The following THAP3 variants were observed in gnomAD, a reference collection of about 807,000 sequenced individuals.
The protein encoded by THAP3 is THAP domain-containing protein 3.
In THAP3, 12 loss-of-function variants were observed where a neutral mutation model predicts 17.7. The ratio of observed to expected loss-of-function variants is 0.68; its 90% CI spans 0.43 to 1.10. THAP3 has a LOEUF of 1.10. Ranked by LOEUF, THAP3 falls within the 50% of genes least tolerant of loss-of-function variation. The probability of loss-of-function intolerance (pLI) is 0.00; values close to 1 mark genes in which losing one functional copy is unlikely to be tolerated. For synonymous variants in THAP3, 133 were observed against 126.9 expected (o/e 1.05, Z -0.32); for missense variants, 289 against 318.0 (o/e 0.91, Z 0.69).
At chr1:6,634,503 TG>T (rs1046980930), downstream of THAP3, 9 of 1,349,326 alleles carry the variant, frequency 6.7e-6, no homozygotes, top group African/African-American at 1.3e-4. Context: ...CGGCGCAGCT[TG>T]GGGCCCCCCG....
chr1:6,634,755 A>G (rs371781066), downstream of THAP3: 394 of 1,343,322 alleles, frequency 2.9e-4, 1 homozygote, highest in Admixed American at 3.7e-4. Flanking sequence ...AGGACGCTGG[A>G]CCTGCAGGAG....
downstream of THAP3, chr1:6,634,548 T>G: frequency 7.3e-7 from 1 of 1,364,652 alleles, no homozygotes; most frequent in Non-Finnish European, 9.8e-7. Context: ...TGTGCGGCGC[T>G]TGCTCCGAGG....
intron 2 of THAP3, among the ~76,000 whole-genome samples, chr1:6,626,204 G>A (rs978455169): frequency 1.3e-5 from 2 of 152,052 alleles, no homozygotes; most frequent in African/African-American, 4.8e-5. Flanking sequence ...CAGCTGCTCG[G>A]GAGACTGAAG....
At chr1:6,625,343 G>A in intron 2 of THAP3, 51 bp downstream of exon 2, 1 of 1,486,654 alleles carries the variant, frequency 6.7e-7, no homozygotes, top group Non-Finnish European at 8.9e-7. Flanking sequence ...GGGGCCCGCG[G>A]ACCGACTCCG....
chr1:6,634,896 A>G, downstream of THAP3: 1 of 1,188,254 alleles, frequency 8.4e-7, no homozygotes, highest in Non-Finnish European at 1.1e-6. Flanking sequence ...CCAGCACTGC[A>G]CTCTGGAGGT....
downstream of THAP3, chr1:6,635,488 T>A: frequency 1.6e-6 from 1 of 633,100 alleles, no homozygotes; most frequent in Non-Finnish European, 2.7e-6. Flanking sequence ...GCTGCCTCAG[T>A]CCTACCCCCA....
At position 6,625,205 on chromosome 1, in the gene THAP3, A is replaced by G. The variant is rs2148713186; in HGVS notation, c.-14A>G. On this transcript the variant is annotated 5_prime_UTR_variant, in exon 2 of 6. Coordinates refer to ENST00000054650, the MANE Select transcript of THAP3 (RefSeq NM_001195753.2). ...GCCGCCATCTTTGTTGGGGGCAGCC[A>G]GGCCTGGCTCGAGATGCCGAAGTCG... The G allele has an allele frequency of 1.3e-6, 2 of 1,529,806 alleles. No individual in the cohort carries two copies. Among genetic ancestry groups the G allele is most frequent in the South Asian group, 1.2e-5 (1 of 83,264 alleles). 94.8% of individuals were successfully genotyped at this position (1,529,806 alleles called of 1,614,324 possible). A position where few individuals can be genotyped will look rare whatever the true frequency, so the allele number is the denominator to read the frequency against.
intron 2 of THAP3, 89 bp downstream of exon 2, chr1:6,625,381 C>G: frequency 7.8e-7 from 1 of 1,280,204 alleles, no homozygotes. Flanking sequence ...GCGGGAGGCC[C>G]AAAGGCGTGC....
chr1:6,632,283 T>G, intron 4 of THAP3, 108 bp from the exon 5 acceptor site: 1 of 1,474,730 alleles, frequency 6.8e-7, no homozygotes, highest in Non-Finnish European at 9.2e-7. Flanking sequence ...GCACAGACCC[T>G]GGAGCTGGTC....
At position 6,624,972 on chromosome 1, in the gene THAP3, C is replaced by T; in HGVS notation, c.-70+18C>T. On this transcript the variant is annotated intron_variant, in intron 1 of 5. Transcript: ENST00000054650. ...CGAATGGGGTAAGACTTGCACAGGC[C>T]CAAGGCTAGGAGTTGGGGTTTCGGG... The T allele has an allele frequency of 1.9e-6, 1 of 534,222 alleles. No individual in the cohort carries two copies. 33.1% of individuals were successfully genotyped at this position (534,222 alleles called of 1,614,324 possible). A position where few individuals can be genotyped will look rare whatever the true frequency, so the allele number is the denominator to read the frequency against.
chr1:6,627,068 G>A (rs555824409), intron 2 of THAP3, among the ~76,000 whole-genome samples: 1 of 152,326 alleles, frequency 6.6e-6, no homozygotes. Context: ...TGACCCCTGA[G>A]CCTGGGTCAC....
chr1:6,627,255 G>A (rs1641490829), intron 2 of THAP3, among the ~76,000 whole-genome samples: 1 of 152,156 alleles, frequency 6.6e-6, no homozygotes, highest in Admixed American at 6.5e-5. Context: ...CAGGCTTATC[G>A]GTTCCGCAGG....
Position 6,624,922 on chromosome 1 carries a change from G to C in THAP3, c.-102G>C. ...CGTCCTGGTTGGGTGCTCAAAGCAA[G>C]GAGGTGAAAGGCGACCAGCATTGGC... is the stretch of plus-strand genomic sequence containing the variant. On this transcript the variant is annotated 5_prime_UTR_variant, in exon 1 of 6. Transcript: ENST00000054650. 1 of 444,908 alleles carries C rather than the reference G, an allele frequency of 2.2e-6. No homozygotes were observed. Among genetic ancestry groups the C allele is most frequent in the Non-Finnish European group, 4.0e-6 (1 of 247,502 alleles). 27.6% of individuals were successfully genotyped at this position (444,908 alleles called of 1,614,324 possible).
At chr1:6,634,746 G>A (rs1299889572), downstream of THAP3, 1 of 1,350,370 alleles carries the variant, frequency 7.4e-7, no homozygotes, top group Non-Finnish European at 9.9e-7. Context: ...GTTCCTGTGA[G>A]GACGCTGGAC....
In THAP3 at chr1:6,625,298, A is replaced by T. The variant is rs1245438557; in HGVS notation, c.74+6A>T. ...AAGCAGCTCACCTTCCACCGGTAAG[A>T]GGCGGGGACCCGGGGGCGCGGGAGG... On this transcript the variant is annotated splice_donor_region_variant and intron_variant, in intron 2 of 5. Transcript: ENST00000054650. The T allele has an allele frequency of 1.3e-6, 2 of 1,533,016 alleles. No individual in the cohort carries two copies. Among genetic ancestry groups the T allele is most frequent in the South Asian group, 2.4e-5 (2 of 82,262 alleles). 95.0% of individuals were successfully genotyped at this position (1,533,016 alleles called of 1,614,324 possible).
intron 2 of THAP3, 40 bp downstream of exon 2, chr1:6,625,332 C>G (rs749289939): frequency 1.3e-6 from 2 of 1,500,020 alleles, no homozygotes; most frequent in Admixed American, 4.3e-5. Flanking sequence ...GGCCCAGACC[C>G]GGGGCCCGCG....
chr1:6,634,590 C>G (rs764201137), downstream of THAP3: 4 of 1,366,124 alleles, frequency 2.9e-6, no homozygotes, highest in Middle Eastern at 2.1e-4. Context: ...GCTGCCACTT[C>G]CAGGCCCCGA....
In THAP3 at chr1:6,633,504, G is replaced by A; in HGVS notation, c.*427G>A. The A allele has an allele frequency of 1.8e-6, 2 of 1,116,588 alleles. No homozygotes were observed. The highest frequency in any genetic ancestry group is 2.2e-6 in the Non-Finnish European group (2 of 908,866). The allele number at this position is 1,116,588 out of a possible 1,614,324, so 69.2% of individuals were successfully genotyped here. ...CCTGGACAGCCGCTCGGGGTTCTAA[G>A]GAGTGACTCCTGTCCCGGCCTGGTG... is the stretch of plus-strand genomic sequence containing the variant. On this transcript the variant is annotated 3_prime_UTR_variant, in exon 6 of 6. Coordinates refer to ENST00000054650, the MANE Select transcript of THAP3 (RefSeq NM_001195753.2).
chr1:6,634,818 C>T (rs1486900008), downstream of THAP3: 12 of 1,267,630 alleles, frequency 9.5e-6, no homozygotes, highest in Admixed American at 7.2e-5. Context: ...CTGGGGTCCA[C>T]GCCTTTGGGT....
Sources: allele counts gnomAD v4.1 joint callset (sites outside exome capture counted in the v4.1 genomes callset), GRCh38; gene constraint gnomAD v4.1.1; transcripts MANE v1.5; gene names NCBI Gene and HGNC (gene_info 2026-07-23, HGNC 2026-07-21).